The following CRTAC1 variants were observed in gnomAD, a reference collection of about 807,000 sequenced individuals.
CRTAC1 encodes the protein acidic secreted protein in cartilage.
In CRTAC1, 37 loss-of-function variants were observed where a neutral mutation model predicts 67.8. That is an observed-to-expected ratio of 0.55 (90% CI 0.42 to 0.72). The LOEUF is 0.72. CRTAC1 is among the 30% of genes least tolerant of loss of function. The pLI is 0.00. For synonymous variants in CRTAC1, 348 were observed against 371.0 expected, an observed-to-expected ratio of 0.94 and a Z score of 0.71; for missense variants, 780 against 931.6, an observed-to-expected ratio of 0.84 and a Z score of 2.12.
intron 3 of CRTAC1, among the ~76,000 whole-genome samples, chr10:97,926,136 G>T (rs1356552367): frequency 6.6e-6 from 1 of 152,174 alleles, no homozygotes; most frequent in African/African-American, 2.4e-5. Flanking sequence ...TGCAGGGGTT[G>T]TAGGTGGAGG....
At chr10:97,979,991 G>GC (rs1283492208) in intron 2 of CRTAC1, among the ~76,000 whole-genome samples, 7 of 152,136 alleles carry the variant, frequency 4.6e-5, no homozygotes, top group African/African-American at 1.7e-4. Context: ...TTCAACAAAC[G>GC]CCCGGGGCCA....
At chr10:98,022,565 C>T (rs1843146065) in intron 1 of CRTAC1, among the ~76,000 whole-genome samples, 1 of 148,678 alleles carries the variant, frequency 6.7e-6, no homozygotes, top group Non-Finnish European at 1.5e-5. Context: ...TTGATACATG[C>T]TGTGAATGCA....
intron 2 of CRTAC1, among the ~76,000 whole-genome samples, chr10:97,987,767 T>C (rs977844843): frequency 6.6e-5 from 10 of 152,264 alleles, no homozygotes; most frequent in African/African-American, 2.2e-4. Flanking sequence ...TGAATACACA[T>C]AGGTGCTCAA....
intron 5 of CRTAC1, 61 bp from the exon 6 acceptor site, chr10:97,908,208 C>T: frequency 1.3e-6 from 2 of 1,593,106 alleles, no homozygotes; most frequent in Non-Finnish European, 1.7e-6. Context: ...ACCTGGAGGA[C>T]AGGGCTGCCT....
chr10:97,905,865 G>A (rs1017893030), intron 6 of CRTAC1, among the ~76,000 whole-genome samples: 2 of 152,222 alleles, frequency 1.3e-5, no homozygotes, highest in African/African-American at 2.4e-5. Flanking sequence ...CACGGAGTGG[G>A]TGCTGGGGGA....
intron 2 of CRTAC1, among the ~76,000 whole-genome samples, chr10:97,959,572 G>A (rs2051491499): frequency 6.6e-6 from 1 of 152,194 alleles, no homozygotes; most frequent in Admixed American, 6.5e-5. Context: ...TAAGGGGAGG[G>A]TATTAAGTAA....
At chr10:97,971,826 T>C (rs1261986074) in intron 2 of CRTAC1, among the ~76,000 whole-genome samples, 1 of 152,194 alleles carries the variant, frequency 6.6e-6, no homozygotes, top group Non-Finnish European at 1.5e-5. Flanking sequence ...AATGTTTGGC[T>C]TGAGGTGTAC....
rs1243046729 is a variant in CRTAC1, at chr10:98,030,042, C to G, written c.24+407G>C. On this transcript the variant is annotated intron_variant, in intron 1 of 14. Transcript: ENST00000370597. This position sits in a 1 kb window ranked among gnomAD's most constrained non-coding sequence, Gnocchi z 4.2. ...CCAGTGGCTTCCCAGGCCCGGGTCTCAGCCTGGCTGACTGGGAGACTCTCC... is the reference window on the plus strand; with the variant it reads ...CCAGTGGCTTCCCAGGCCCGGGTCTGAGCCTGGCTGACTGGGAGACTCTCC... Among the ~76,000 whole-genome samples, 1 of 152,070 alleles carries G rather than the reference C, an allele frequency of 6.6e-6. No homozygotes were observed. The highest frequency in any genetic ancestry group is 6.5e-5 in the Admixed American group (1 of 15,282).
At chr10:97,959,483 C>T (rs1450805468) in intron 2 of CRTAC1, among the ~76,000 whole-genome samples, 1 of 152,218 alleles carries the variant, frequency 6.6e-6, no homozygotes, top group African/African-American at 2.4e-5. Flanking sequence ...GCTCCTGGCT[C>T]ATTCCATGGA....
In CRTAC1 at chr10:97,975,622, T is replaced by G. The variant is rs2051787540; in HGVS notation, c.224+35516A>C. ...AACTGGCAGCCAGTCTTCTGCATAG[T>G]TCTAAGATGGACTCTCCCTGTGAAT... On this transcript the variant is annotated intron_variant, in intron 2 of 14. Transcript: ENST00000370597. This position sits in a 1 kb window ranked among gnomAD's most constrained non-coding sequence, Gnocchi z 4.8. Among the ~76,000 whole-genome samples the G allele has an allele frequency of 6.6e-6, 1 of 152,142 alleles. No homozygotes were observed. The highest frequency in any genetic ancestry group is 6.5e-5 in the Admixed American group (1 of 15,290).
chr10:97,944,890 G>C (rs150868578), intron 2 of CRTAC1, among the ~76,000 whole-genome samples: 2 of 152,308 alleles, frequency 1.3e-5, no homozygotes, highest in South Asian at 4.1e-4. Context: ...ATGTGAGCAA[G>C]AACTTCTCAA....
At chr10:97,934,642 C>T (rs778129714) in intron 3 of CRTAC1, among the ~76,000 whole-genome samples, 7 of 152,190 alleles carry the variant, frequency 4.6e-5, no homozygotes, top group South Asian at 2.1e-4. Flanking sequence ...GGGTGGGGAG[C>T]GGAGCACAAG....
intron 2 of CRTAC1, among the ~76,000 whole-genome samples, chr10:97,979,973 G>A (rs902277986): frequency 6.6e-6 from 1 of 152,190 alleles, no homozygotes; most frequent in Non-Finnish European, 1.5e-5. Context: ...GGGCCTGGGG[G>A]CTGTCTCTTC....
intron 9 of CRTAC1, among the ~76,000 whole-genome samples, chr10:97,896,656 A>G (rs1279625756): frequency 6.6e-6 from 1 of 152,080 alleles, no homozygotes; most frequent in East Asian, 1.9e-4. Context: ...AGACCCACAG[A>G]TTCCCATTCC....
intron 2 of CRTAC1, among the ~76,000 whole-genome samples, chr10:97,939,433 ACT>A (rs766560088): frequency 9.9e-5 from 15 of 151,896 alleles, no homozygotes; most frequent in Non-Finnish European, 1.9e-4. Context: ...GCATCCTGAC[ACT>A]CTGGCCCTCA....
intron 3 of CRTAC1, among the ~76,000 whole-genome samples, chr10:97,930,771 C>G (rs1022842179): frequency 6.6e-6 from 1 of 152,144 alleles, no homozygotes; most frequent in African/African-American, 2.4e-5. Flanking sequence ...AGCGTGGTGA[C>G]TGACGCTCCC....
intron 3 of CRTAC1, among the ~76,000 whole-genome samples, chr10:97,928,921 G>C (rs2050961484): frequency 1.3e-5 from 2 of 152,210 alleles, no homozygotes; most frequent in South Asian, 2.1e-4. Context: ...GAAAGTCAGG[G>C]GAAGACAGTG....
At chr10:97,991,871 T>C (rs374106420) in intron 2 of CRTAC1, among the ~76,000 whole-genome samples, 5 of 152,266 alleles carry the variant, frequency 3.3e-5, no homozygotes, top group East Asian at 1.9e-4. Context: ...CCTTGGAAAC[T>C]TTGAGATATC....
chr10:98,023,421 T>C (rs1843161874), intron 1 of CRTAC1, among the ~76,000 whole-genome samples: 1 of 152,214 alleles, frequency 6.6e-6, no homozygotes, highest in South Asian at 2.1e-4. Flanking sequence ...ACTGAGCACC[T>C]ACTGAGCCCC....
Sources: allele counts gnomAD v4.1 joint callset (sites outside exome capture counted in the v4.1 genomes callset), GRCh38; gene constraint gnomAD v4.1.1; non-coding constraint Gnocchi (gnomAD v3.1); transcripts MANE v1.5; gene names NCBI Gene and HGNC (gene_info 2026-07-23, HGNC 2026-07-21).